The following POLN variants were observed in gnomAD, a reference collection of about 807,000 sequenced individuals.
POLN encodes DNA polymerase N.
A neutral mutation model predicts 113.5 loss-of-function variants in POLN; 108 were observed. That is an observed-to-expected ratio of 0.95 (90% CI 0.81 to 1.12). The LOEUF (loss-of-function observed/expected upper bound fraction) is 1.12, where lower values mean the gene tolerates loss of function less well. Ranked by LOEUF, POLN falls within the 50% of genes most tolerant of loss-of-function variation. The pLI is 0.00. For missense variants in POLN, 1,097 were observed against 1,077.1 expected (o/e 1.02, Z -0.26); for synonymous variants, 386 against 391.5 (o/e 0.99, Z 0.17).
chr4:2,095,888 T>C lies in POLN; in HGVS notation c.2028A>G (p.Gln676=). 2 of 1,614,144 alleles carry C rather than the reference T, an allele frequency of 1.2e-6. No homozygotes were observed. The highest frequency in any genetic ancestry group is 1.7e-6 in the Non-Finnish European group (2 of 1,180,028). ...CCACCGCGTACACCACCTTCTTGGT[T>C]TGCTCTCTGTCTGCGTGTGTCACCT... ...VEQVTHADRE[Q]TKKVVYAVVY... The change falls in exon 20 of 26, where the codon CAA becomes CAG. Residue 676 remains glutamine, a synonymous_variant. Coordinates refer to ENST00000511885, the MANE Select transcript of POLN (RefSeq NM_181808.4).
chr4:2,167,875 G>A (rs1732767284), intron 13 of POLN, among the ~76,000 whole-genome samples: 2 of 151,994 alleles, frequency 1.3e-5, no homozygotes, highest in Non-Finnish European at 1.5e-5. Context: ...CTCCAGCCTG[G>A]GTGACAAGAG....
At chr4:2,132,003 GC>G (rs1482919860) in intron 16 of POLN, among the ~76,000 whole-genome samples, 1 of 152,084 alleles carries the variant, frequency 6.6e-6, no homozygotes, top group Non-Finnish European at 1.5e-5. Context: ...TGACTCCCTG[GC>G]TAAATCTGAC....
chr4:2,125,824 G>C lies in POLN; in HGVS notation c.1982+2289C>G, dbSNP rs1430442865. Among the ~76,000 whole-genome samples, 3 of 152,334 alleles carry C rather than the reference G, an allele frequency of 2.0e-5. No homozygotes were observed. In the East Asian group the frequency reaches 5.8e-4, roughly 29 times the overall value. On this transcript the variant is annotated intron_variant, in intron 19 of 25. Transcript: ENST00000511885. ...GTGGGGTGCAGGCAAGACTGGCTAA[G>C]TGACAGACCTGGACAGAGATGCCAG...
At position 2,188,600 on chromosome 4, in the gene POLN, C is replaced by CA. The variant is rs1472036427; in HGVS notation, c.1021+4603dup. ...TGGGCAACAGAAGGAGACTCCATCT[C>CA]AAAAAAAACAAAAAACAAAAAAACA... is the stretch of plus-strand genomic sequence containing the variant. On this transcript the variant is annotated intron_variant, in intron 7 of 25. Coordinates refer to ENST00000511885, the MANE Select transcript of POLN (RefSeq NM_181808.4). 1.3e-4 allele frequency among the ~76,000 whole-genome samples: 18 copies of CA among 141,080 alleles called. No individual in the cohort carries two copies. In the East Asian group the frequency reaches 2.1e-3, roughly 17 times the overall value. The allele number at this position is 141,080 out of a possible 152,430, so 92.6% of individuals were successfully genotyped here.
intron 6 of POLN, among the ~76,000 whole-genome samples, chr4:2,197,253 G>A (rs1733599545): frequency 6.6e-6 from 1 of 152,212 alleles, no homozygotes. Context: ...GTGGAAGCAG[G>A]AGTCCAATGT....
At chr4:2,233,632 C>T (rs1048631592) in intron 2 of POLN, among the ~76,000 whole-genome samples, 4 of 152,162 alleles carry the variant, frequency 2.6e-5, no homozygotes, top group Non-Finnish European at 2.9e-5. Context: ...TGCTTTAGAA[C>T]TACCCTAACC....
rs543986365 is a variant in POLN, at chr4:2,215,276, A to C, written c.134-2150T>G. Among the ~76,000 whole-genome samples the C allele has an allele frequency of 2.0e-5, 3 of 152,340 alleles. No homozygotes were observed. In the South Asian group the frequency reaches 6.2e-4, roughly 32 times the overall value. On this transcript the variant is annotated intron_variant, in intron 3 of 25. Transcript: ENST00000511885. ...GACTCCAGCTATAGTGGTTGACTGA[A>C]GATGATGACCTCATTTTTAAAAATA...
At chr4:2,088,738 AT>A in intron 20 of POLN, 1 of 1,181,588 alleles carries the variant, frequency 8.5e-7, no homozygotes, top group Non-Finnish European at 1.1e-6. Context: ...CTTTTTTTTT[AT>A]TAGCTTTTAC....
chr4:2,229,018 A>G, intron 3 of POLN, 81 bp downstream of exon 3: 2 of 1,390,522 alleles, frequency 1.4e-6, no homozygotes, highest in South Asian at 1.4e-5. Flanking sequence ...GTCTACATGC[A>G]TTCCATTTTC....
At chr4:2,120,422 A>T (rs945036791) in intron 19 of POLN, among the ~76,000 whole-genome samples, 4 of 151,962 alleles carry the variant, frequency 2.6e-5, no homozygotes, top group Admixed American at 6.6e-5. Context: ...TTTCATCAGC[A>T]TTTTATACTT....
chr4:2,203,815 T>C (rs535395489), intron 5 of POLN, among the ~76,000 whole-genome samples: 3 of 151,532 alleles, frequency 2.0e-5, no homozygotes, highest in Non-Finnish European at 4.4e-5. Context: ...ATACAAATGA[T>C]AAATGAAGCA....
rs186295244 is a variant in POLN, at chr4:2,072,569, G to A, written c.2518-270C>T. 5.3e-5 allele frequency among the ~76,000 whole-genome samples: 8 copies of A among 152,344 alleles called. No individual in the cohort carries two copies. In the East Asian group the frequency reaches 1.5e-3, roughly 29 times the overall value. On this transcript the variant is annotated intron_variant, in intron 25 of 25. Coordinates refer to ENST00000511885, the MANE Select transcript of POLN (RefSeq NM_181808.4). ...CCAGGGCCTCTGTGCCAGTGGGTAG[G>A]CTGCGGCCGGCAGACAAGGTGCCCT... is the stretch of plus-strand genomic sequence containing the variant.
At chr4:2,146,030 T>C (rs1260985108) in intron 16 of POLN, among the ~76,000 whole-genome samples, 3 of 85,570 alleles carry the variant, frequency 3.5e-5, no homozygotes, top group African/African-American at 9.2e-5. Context: ...ATAATTTATA[T>C]AAACTTTAAA....
In POLN at chr4:2,241,509, T is replaced by G. The variant is rs1459508341; in HGVS notation, c.-13+11A>C. Reference sequence around the variant, plus strand: ...CATGGCACATCTTCTGAAGATCAACTAAATATTTACCTCAACGTCTCGCCG... The same window carrying G: ...CATGGCACATCTTCTGAAGATCAACGAAATATTTACCTCAACGTCTCGCCG... On this transcript the variant is annotated intron_variant, in intron 2 of 25. Coordinates refer to ENST00000511885, the MANE Select transcript of POLN (RefSeq NM_181808.4). 1.0e-5 allele frequency: 10 copies of G among 985,582 alleles called. No individual in the cohort carries two copies. In the South Asian group the frequency reaches 4.7e-4, roughly 46 times the overall value. The allele number at this position is 985,582 out of a possible 1,614,324, so 61.1% of individuals were successfully genotyped here. A position where few individuals can be genotyped will look rare whatever the true frequency, so the allele number is the denominator to read the frequency against.
At chr4:2,234,739 G>A (rs1254031396) in intron 2 of POLN, among the ~76,000 whole-genome samples, 14 of 151,986 alleles carry the variant, frequency 9.2e-5, no homozygotes, top group Admixed American at 8.5e-4. Flanking sequence ...GCATCACCAG[G>A]AATAGTCATT....
chr4:2,165,784 T>C (rs966822980), intron 13 of POLN, among the ~76,000 whole-genome samples: 2 of 146,618 alleles, frequency 1.4e-5, no homozygotes, highest in Non-Finnish European at 3.0e-5. Flanking sequence ...AAAAATAGTC[T>C]TTTTTTTTTT....
intron 16 of POLN, chr4:2,156,372 G>C (rs1304214512): frequency 2.6e-5 from 10 of 389,954 alleles, no homozygotes; most frequent in South Asian, 1.5e-4. Flanking sequence ...AGGGAATTTA[G>C]AGCTTTTTTT....
At chr4:2,108,783 T>G (rs1731127473) in intron 19 of POLN, among the ~76,000 whole-genome samples, 1 of 152,038 alleles carries the variant, frequency 6.6e-6, no homozygotes, top group Admixed American at 6.5e-5. Flanking sequence ...CAGAAGTTTG[T>G]GGCTGACAAT....
intron 16 of POLN, among the ~76,000 whole-genome samples, chr4:2,133,222 G>C (rs1363502872): frequency 6.6e-6 from 1 of 150,860 alleles, no homozygotes; most frequent in Non-Finnish European, 1.5e-5. Flanking sequence ...TGGTGGGAAA[G>C]TAAATTAGTG....
Sources: gnomAD v4.1 joint callset for allele counts (sites outside exome capture counted in the v4.1 genomes callset) on GRCh38, gnomAD v4.1.1 for gene constraint, MANE v1.5 for transcripts, NCBI Gene and HGNC (gene_info 2026-07-23, HGNC 2026-07-21) for gene names.